STK32B: variants seen among roughly 807,000 people sequenced by gnomAD.
STK32B encodes the protein serine/threonine-protein kinase 32B.
In STK32B, 43 loss-of-function variants were observed where a neutral mutation model predicts 52.6. The ratio of observed to expected loss-of-function variants is 0.82; its 90% CI spans 0.64 to 1.05. The LOEUF (loss-of-function observed/expected upper bound fraction) is 1.05. STK32B is among the 50% of genes least tolerant of loss of function. The pLI is 0.00. For synonymous variants in STK32B, 238 were observed against 204.3 expected, an observed-to-expected ratio of 1.17 and a Z score of -1.41; for missense variants, 621 against 534.6, an observed-to-expected ratio of 1.16 and a Z score of -1.59.
rs1725367583 is a variant in STK32B at position 5,245,401 on chromosome 4, C to A, written c.260+76951C>A. ...TTTTATCAGAGACTAGGATTGCAACCCCTGCCTTTTTTTGTTTTCCATTTG... is the reference window on the plus strand; with the variant it reads ...TTTTATCAGAGACTAGGATTGCAACACCTGCCTTTTTTTGTTTTCCATTTG... On this transcript the variant is annotated intron_variant, in intron 3 of 11. Coordinates refer to ENST00000282908, the MANE Select transcript of STK32B (RefSeq NM_018401.3). 2.6e-5 allele frequency among the ~76,000 whole-genome samples: 4 copies of A among 152,148 alleles called. No homozygotes were observed. The South Asian group carries it at 8.3e-4, about 32-fold the overall frequency.
chr4:5,352,629 AAAC>A (rs201841120), intron 4 of STK32B, among the ~76,000 whole-genome samples: 12 of 151,066 alleles, frequency 7.9e-5, no homozygotes, highest in Non-Finnish European at 1.0e-4. Flanking sequence ...AAAAAAAAAA[AAAC>A]GTCCAAACTA....
At chr4:5,262,756 T>C (rs1553860224) in intron 3 of STK32B, among the ~76,000 whole-genome samples, 6 of 152,108 alleles carry the variant, frequency 3.9e-5, no homozygotes. Context: ...ATTAAATACA[T>C]AGAGAGGACT....
intron 6 of STK32B, among the ~76,000 whole-genome samples, chr4:5,423,265 T>C (rs16837188): frequency 0.011 from 1,633 of 152,172 alleles, 20 homozygotes; most frequent in African/African-American, 0.037. Flanking sequence ...CTGGGTGTCT[T>C]CCACTCAGTG....
At chr4:5,109,362 G>A (rs1389614729) in intron 1 of STK32B, among the ~76,000 whole-genome samples, 1 of 152,190 alleles carries the variant, frequency 6.6e-6, no homozygotes, top group Non-Finnish European at 1.5e-5. Flanking sequence ...CACACACATG[G>A]ACGAATGCTC....
intron 1 of STK32B, among the ~76,000 whole-genome samples, chr4:5,108,279 A>G (rs1350907971): frequency 6.6e-6 from 1 of 152,204 alleles, no homozygotes. Context: ...TTCTGAGGCA[A>G]TTTGGATTGT....
At chr4:5,090,653 A>C (rs192570038) in intron 1 of STK32B, among the ~76,000 whole-genome samples, 2 of 151,856 alleles carry the variant, frequency 1.3e-5, no homozygotes, top group East Asian at 1.9e-4. Context: ...ATGAGCTACT[A>C]CTCCTGGCCT....
intron 9 of STK32B, among the ~76,000 whole-genome samples, chr4:5,462,790 C>T (rs1041766497): frequency 2.6e-5 from 4 of 152,198 alleles, no homozygotes; most frequent in South Asian, 4.1e-4. Context: ...GTAGCATCCC[C>T]TCTGTTGTGC....
intron 1 of STK32B, among the ~76,000 whole-genome samples, chr4:5,122,783 G>A (rs750550130): frequency 2.0e-5 from 3 of 152,158 alleles, no homozygotes; most frequent in East Asian, 3.8e-4. Context: ...TGCATCTGGC[G>A]TTGGCCTTGC....
chr4:5,376,013 A>G (rs1261759066), intron 4 of STK32B, among the ~76,000 whole-genome samples: 2 of 152,168 alleles, frequency 1.3e-5, no homozygotes, highest in Admixed American at 6.5e-5. Flanking sequence ...ACTGCAGAGT[A>G]GATTTGTGAG....
At chr4:5,167,306 C>T (rs924620608) in intron 2 of STK32B, among the ~76,000 whole-genome samples, 22 of 152,224 alleles carry the variant, frequency 1.4e-4, no homozygotes, top group Non-Finnish European at 2.4e-4. Context: ...TTAATTAGTA[C>T]ACTTGGGGCT....
chr4:5,483,055 G>C (rs548359375), intron 11 of STK32B, among the ~76,000 whole-genome samples: 2 of 151,462 alleles, frequency 1.3e-5, no homozygotes, highest in South Asian at 2.1e-4. Flanking sequence ...TCTCTTTTTT[G>C]GTTGTGTCTC....
At chr4:5,133,963 C>G (rs917070503) in intron 1 of STK32B, among the ~76,000 whole-genome samples, 2 of 152,268 alleles carry the variant, frequency 1.3e-5, no homozygotes, top group South Asian at 4.1e-4. Flanking sequence ...GGGTTTAAAA[C>G]TTTGTTTAAA....
Position 5,486,507 on chromosome 4 carries a change from G to T in STK32B, c.1107-12438G>T, listed in dbSNP as rs562214954. 2.0e-4 allele frequency among the ~76,000 whole-genome samples: 31 copies of T among 152,344 alleles called. No homozygotes were observed. In the South Asian group the frequency reaches 6.0e-3, roughly 30 times the overall value. On this transcript the variant is annotated intron_variant, in intron 11 of 11. Transcript: ENST00000282908. ...CACCCCTTTCTTTGACTAGGAAAGG[G>T]AATTCCCTGACTTCTTGCGCTTCCA...
intron 3 of STK32B, among the ~76,000 whole-genome samples, chr4:5,330,393 T>G (rs534204367): frequency 4.5e-4 from 68 of 152,318 alleles, no homozygotes; most frequent in African/African-American, 1.6e-3. Flanking sequence ...CCAAATGCAT[T>G]TTGTTAAATG....
intron 6 of STK32B, among the ~76,000 whole-genome samples, chr4:5,429,423 C>T (rs901352649): frequency 6.6e-6 from 1 of 151,958 alleles, no homozygotes; most frequent in African/African-American, 2.4e-5. Context: ...TTTAACTTCT[C>T]CATTGGCTTA....
At chr4:5,473,860 A>T (rs1281782468) in intron 11 of STK32B, among the ~76,000 whole-genome samples, 2 of 152,120 alleles carry the variant, frequency 1.3e-5, no homozygotes, top group Non-Finnish European at 2.9e-5. Flanking sequence ...CACACCTGTA[A>T]TCCCAGCACT....
intron 4 of STK32B, among the ~76,000 whole-genome samples, chr4:5,385,858 C>A (rs924174928): frequency 1.3e-5 from 2 of 151,328 alleles, no homozygotes; most frequent in African/African-American, 4.9e-5. Context: ...AAAGCCCCCA[C>A]CCACAGCTCC....
chr4:5,416,498 A>G (rs1560393840), intron 5 of STK32B, among the ~76,000 whole-genome samples: 1 of 152,156 alleles, frequency 6.6e-6, no homozygotes, highest in East Asian at 1.9e-4. Context: ...CGCCCCAGCC[A>G]TAGCCCACCT....
intron 6 of STK32B, among the ~76,000 whole-genome samples, chr4:5,421,515 A>G (rs1477420046): frequency 6.6e-6 from 1 of 152,220 alleles, no homozygotes; most frequent in African/African-American, 2.4e-5. Context: ...ATGAGCCACC[A>G]CACCTGGCCA....
Sources: allele counts gnomAD v4.1 joint callset (sites outside exome capture counted in the v4.1 genomes callset), GRCh38; gene constraint gnomAD v4.1.1; transcripts MANE v1.5; gene names NCBI Gene and HGNC (gene_info 2026-07-23, HGNC 2026-07-21).